The following EPHB2 variants were observed in gnomAD, a reference collection of about 807,000 sequenced individuals.
The protein encoded by EPHB2 is EPH receptor B2.
In EPHB2, 18 loss-of-function variants were observed where a neutral mutation model predicts 96.4. That is an observed-to-expected ratio of 0.19 (90% CI 0.13 to 0.28). EPHB2 has a LOEUF of 0.28. Ranked by LOEUF, EPHB2 falls within the 10% of genes least tolerant of loss-of-function variation. EPHB2 has a pLI of 1.00. For synonymous variants in EPHB2, 506 were observed against 534.1 expected (o/e 0.95, Z 0.72); for missense variants, 989 against 1,355.4 (o/e 0.73, Z 4.25).
intron 1 of EPHB2, chr1:22,774,765 G>T: frequency 3.4e-6 from 1 of 290,246 alleles, no homozygotes; most frequent in Non-Finnish European, 5.1e-6. Flanking sequence ...CCCAGCTGCT[G>T]TGTGGAGGTT....
chr1:22,828,498 C>T (rs1645256431), intron 3 of EPHB2, among the ~76,000 whole-genome samples: 1 of 152,104 alleles, frequency 6.6e-6, no homozygotes, highest in African/African-American at 2.4e-5. Flanking sequence ...CCAGAGGGTC[C>T]AGACTGTAAA....
intron 1 of EPHB2, chr1:22,774,744 T>C: frequency 2.6e-6 from 1 of 383,866 alleles, no homozygotes; most frequent in Non-Finnish European, 3.6e-6. Flanking sequence ...ACATGGACTT[T>C]AGGAACATCA....
chr1:22,899,909 A>G (rs990679036), intron 9 of EPHB2, among the ~76,000 whole-genome samples: 1 of 151,972 alleles, frequency 6.6e-6, no homozygotes, highest in Non-Finnish European at 1.5e-5. Context: ...TGAGAGGATC[A>G]TTCAAGCCCA....
chr1:22,857,363 G>A (rs1645716092), intron 3 of EPHB2, among the ~76,000 whole-genome samples: 1 of 152,064 alleles, frequency 6.6e-6, no homozygotes, highest in Admixed American at 6.6e-5. Flanking sequence ...AGAATGGAGG[G>A]CAGGCCGCCT....
intron 1 of EPHB2, among the ~76,000 whole-genome samples, chr1:22,718,244 GC>G (rs1014937975): frequency 4.9e-4 from 74 of 152,100 alleles, no homozygotes; most frequent in African/African-American, 1.8e-3. Flanking sequence ...TTTCTCAAAG[GC>G]CCCCTCCCCA....
At position 22,915,664 on chromosome 1, in the gene EPHB2, G is replaced by C. The variant is rs1253301338; in HGVS notation, c.*2094G>C. On this transcript the variant is annotated 3_prime_UTR_variant, in exon 16 of 16. Transcript: ENST00000374630. ...TCTGAGTGTCAGGTGAGCTGTCATA[G>C]TGGGAACGTGAGGGTCTTAGAGTGC... is the stretch of plus-strand genomic sequence containing the variant. 1 of 152,282 alleles carries C rather than the reference G, an allele frequency of 6.6e-6. No individual in the cohort carries two copies. 9.4% of individuals were successfully genotyped at this position (152,282 alleles called of 1,614,324 possible). A position where few individuals can be genotyped will look rare whatever the true frequency, so the allele number is the denominator to read the frequency against.
intron 1 of EPHB2, among the ~76,000 whole-genome samples, chr1:22,774,982 G>T (rs1644429641): frequency 6.6e-6 from 1 of 152,192 alleles, no homozygotes. Context: ...TCCTGCAATT[G>T]TACACTAGAG....
intron 1 of EPHB2, among the ~76,000 whole-genome samples, chr1:22,768,494 A>G (rs12049176): frequency 0.4 from 60,129 of 151,704 alleles, 12,291 homozygotes; most frequent in Middle Eastern, 0.55. Context: ...CAAGACCAGC[A>G]TGGGGAACAT....
At chr1:22,874,827 AT>A (rs906328506) in intron 5 of EPHB2, among the ~76,000 whole-genome samples, 9 of 152,130 alleles carry the variant, frequency 5.9e-5, no homozygotes, top group African/African-American at 1.9e-4. Context: ...TTTTTGTTTT[AT>A]TTTTTTCATA....
chr1:22,907,711 C>G (rs956613257), intron 11 of EPHB2, among the ~76,000 whole-genome samples: 3 of 152,194 alleles, frequency 2.0e-5, no homozygotes, highest in African/African-American at 7.2e-5. Context: ...GGTTGCACAG[C>G]CGAGAAGGAA....
chr1:22,711,450 T>C (rs1381291990), intron 1 of EPHB2, among the ~76,000 whole-genome samples: 7 of 144,918 alleles, frequency 4.8e-5, no homozygotes, highest in African/African-American at 1.8e-4. Flanking sequence ...CGGCGCTCGG[T>C]CGGGGCTGGA....
intron 6 of EPHB2, chr1:22,882,847 T>C: frequency 1.2e-5 from 4 of 332,020 alleles, no homozygotes; most frequent in South Asian, 1.0e-4. Context: ...AAGTGATAAT[T>C]AGTCACTCAC....
chr1:22,744,807 C>T (rs943366581), intron 1 of EPHB2, among the ~76,000 whole-genome samples: 1 of 150,668 alleles, frequency 6.6e-6, no homozygotes, highest in African/African-American at 2.4e-5. Context: ...GAGCTATGAT[C>T]ATGCCACAGC....
chr1:22,814,591 C>T (rs1170033216), intron 3 of EPHB2, among the ~76,000 whole-genome samples: 1 of 152,184 alleles, frequency 6.6e-6, no homozygotes, highest in African/African-American at 2.4e-5. Context: ...TCTCCTCATG[C>T]CCACTTTACA....
At chr1:22,910,698 A>C in intron 14 of EPHB2, 123 bp downstream of exon 14, 1 of 1,288,888 alleles carries the variant, frequency 7.8e-7, no homozygotes, top group Non-Finnish European at 1.1e-6. Context: ...GAAGGACAGG[A>C]CTAGTGTTTA....
chr1:22,734,264 CCA>C, intron 1 of EPHB2, among the ~76,000 whole-genome samples: 2 of 152,260 alleles, frequency 1.3e-5, no homozygotes, highest in Middle Eastern at 6.8e-3. Flanking sequence ...CATGCACAGC[CCA>C]GTGTGGTTCA....
rs907816572 is a variant in EPHB2, at chr1:22,915,895, C to A, written c.*2325C>A. On this transcript the variant is annotated 3_prime_UTR_variant, in exon 16 of 16. Transcript: ENST00000374630. ...GAGGAGATGGCCAGTGAGAAAGATTCGGGCCACAGGCAGCCAGCTAGAAGC... is the reference window on the plus strand; with the variant it reads ...GAGGAGATGGCCAGTGAGAAAGATTAGGGCCACAGGCAGCCAGCTAGAAGC... The A allele has an allele frequency of 1.3e-5, 2 of 152,434 alleles. No individual in the cohort carries two copies. The highest frequency in any genetic ancestry group is 2.9e-5 in the Non-Finnish European group (2 of 68,222). The allele number at this position is 152,434 out of a possible 1,614,324, so 9.4% of individuals were successfully genotyped here. A position where few individuals can be genotyped will look rare whatever the true frequency, so the allele number is the denominator to read the frequency against.
chr1:22,773,632 C>T (rs779539961), intron 1 of EPHB2, among the ~76,000 whole-genome samples: 23 of 152,324 alleles, frequency 1.5e-4, no homozygotes, highest in Non-Finnish European at 3.1e-4. Context: ...CTCTGTGACC[C>T]AGCGGTTCTC....
intron 5 of EPHB2, among the ~76,000 whole-genome samples, chr1:22,881,940 C>T (rs1191214459): frequency 6.6e-6 from 1 of 152,210 alleles, no homozygotes; most frequent in Non-Finnish European, 1.5e-5. Context: ...CACACAGCCC[C>T]CTGACTGCTT....
Sources: allele counts gnomAD v4.1 joint callset (sites outside exome capture counted in the v4.1 genomes callset), GRCh38; gene constraint gnomAD v4.1.1; transcripts MANE v1.5; gene names NCBI Gene and HGNC (gene_info 2026-07-23, HGNC 2026-07-21).